GALNT18: variants seen among roughly 807,000 people sequenced by gnomAD.
GALNT18 encodes GalNAc-transferase 18.
GALNT18 carries 44 observed loss-of-function variants against 69.5 expected under a neutral mutation model. The observed-to-expected ratio is 0.63, with a 90% CI of 0.50 to 0.81. The LOEUF is 0.81. GALNT18 is among the 40% of genes least tolerant of loss of function. GALNT18 has a pLI of 0.00. For missense variants in GALNT18, 715 were observed against 810.0 expected (o/e 0.88, Z 1.42); for synonymous variants, 364 against 318.2 (o/e 1.14, Z -1.53).
intron 1 of GALNT18, among the ~76,000 whole-genome samples, chr11:11,585,290 T>C (rs1365490553): frequency 6.6e-6 from 1 of 152,094 alleles, no homozygotes; most frequent in Non-Finnish European, 1.5e-5. Context: ...AGAATATCCA[T>C]AATTATCTGA....
chr11:11,557,637 T>G (rs1054445221), intron 1 of GALNT18, among the ~76,000 whole-genome samples: 1 of 152,224 alleles, frequency 6.6e-6, no homozygotes, highest in African/African-American at 2.4e-5. Flanking sequence ...TGGCACACGC[T>G]GAGCACTCGG....
At chr11:11,374,894 G>C (rs1363914871) in intron 5 of GALNT18, among the ~76,000 whole-genome samples, 2 of 152,230 alleles carry the variant, frequency 1.3e-5, no homozygotes, top group Non-Finnish European at 2.9e-5. Context: ...TGAGTTTCCT[G>C]TTGGTCAAAG....
At chr11:11,607,048 AAG>A (rs1859774383) in intron 1 of GALNT18, among the ~76,000 whole-genome samples, 1 of 152,232 alleles carries the variant, frequency 6.6e-6, no homozygotes, top group African/African-American at 2.4e-5. Flanking sequence ...TATGTGAGGA[AAG>A]AGAAAGCAAC....
Position 11,279,882 on chromosome 11 carries a change from G to A in GALNT18, c.1678-8592C>T, listed in dbSNP as rs114116648. Among the ~76,000 whole-genome samples, 717 of 151,848 alleles carry A rather than the reference G, an allele frequency of 4.7e-3. 5 individuals carry two copies. The highest frequency in any genetic ancestry group is 0.016 in the African/African-American group (671 of 41,160). ...GTGTATTTTATACATGTTTCTGTAT[G>A]TATCCATGTTCTTCAATTGAAAAAT... On this transcript the variant is annotated intron_variant, in intron 10 of 10. Coordinates refer to ENST00000227756, the MANE Select transcript of GALNT18 (RefSeq NM_198516.3).
intron 10 of GALNT18, among the ~76,000 whole-genome samples, chr11:11,280,090 C>A (rs1258961617): frequency 6.6e-6 from 1 of 152,108 alleles, no homozygotes; most frequent in Non-Finnish European, 1.5e-5. Flanking sequence ...TATTCAGAAG[C>A]ATTCACACAA....
In GALNT18 at chr11:11,436,074, C is replaced by G. The variant is rs1252566913; in HGVS notation, c.429-3287G>C. ...CCACACCTGACCTAATGTGGCCCTG[C>G]GTGAGCAGAGAGGCGAGGGGTGGGC... On this transcript the variant is annotated intron_variant, in intron 2 of 10. Transcript: ENST00000227756. This position sits in a 1 kb window ranked among gnomAD's most constrained non-coding sequence, Gnocchi z 4.5. 6.6e-6 allele frequency among the ~76,000 whole-genome samples: 1 copy of G among 152,218 alleles called. No individual in the cohort carries two copies. The highest frequency in any genetic ancestry group is 1.5e-5 in the Non-Finnish European group (1 of 68,044).
At chr11:11,526,856 C>T (rs183553393) in intron 1 of GALNT18, among the ~76,000 whole-genome samples, 1 of 152,264 alleles carries the variant, frequency 6.6e-6, no homozygotes, top group East Asian at 1.9e-4. Context: ...TATTACTCTC[C>T]CGCAGGAGCA....
chr11:11,609,838 G>A (rs1344200253), intron 1 of GALNT18, among the ~76,000 whole-genome samples: 2 of 152,144 alleles, frequency 1.3e-5, no homozygotes, highest in African/African-American at 4.8e-5. Context: ...GGAAGTTCCT[G>A]GAAGGGCTGG....
intron 1 of GALNT18, among the ~76,000 whole-genome samples, chr11:11,548,287 C>T (rs1858109126): frequency 6.6e-6 from 1 of 152,202 alleles, no homozygotes; most frequent in African/African-American, 2.4e-5. Context: ...TTGTCCTTGC[C>T]TTCAGTTCCA....
Position 11,415,232 on chromosome 11 carries a change from C to T in GALNT18, c.595+17389G>A, listed in dbSNP as rs570743371. 2.6e-5 allele frequency among the ~76,000 whole-genome samples: 4 copies of T among 152,058 alleles called. No individual in the cohort carries two copies. The highest frequency in any genetic ancestry group is 5.9e-5 in the Non-Finnish European group (4 of 68,018). On this transcript the variant is annotated intron_variant, in intron 3 of 10. Transcript: ENST00000227756. This position sits in a 1 kb window ranked among gnomAD's most constrained non-coding sequence, Gnocchi z 4.1. Reference sequence around the variant, plus strand: ...TCAGGCCCAACCAACCGATTGGGGACCTTAATTACGTCAGCCAATTCCCCT... The same window carrying T: ...TCAGGCCCAACCAACCGATTGGGGATCTTAATTACGTCAGCCAATTCCCCT...
chr11:11,554,838 A>G (rs1858289119), intron 1 of GALNT18, among the ~76,000 whole-genome samples: 1 of 152,206 alleles, frequency 6.6e-6, no homozygotes, highest in South Asian at 2.1e-4. Flanking sequence ...TCCAGATTCC[A>G]GGACTGCAGG....
At chr11:11,299,161 T>C (rs1849450044) in intron 9 of GALNT18, among the ~76,000 whole-genome samples, 1 of 152,198 alleles carries the variant, frequency 6.6e-6, no homozygotes, top group Non-Finnish European at 1.5e-5. Flanking sequence ...TATTTTTTAA[T>C]TTTTTGACAG....
At position 11,539,293 on chromosome 11, in the gene GALNT18, C is replaced by T. The variant is rs188843597; in HGVS notation, c.235+82066G>A. Among the ~76,000 whole-genome samples, 397 of 145,546 alleles carry T rather than the reference C, an allele frequency of 2.7e-3. 7 individuals carry two copies. The highest frequency in any genetic ancestry group is 1.9e-4 in the Non-Finnish European group (13 of 67,990). On this transcript the variant is annotated intron_variant, in intron 1 of 10. Coordinates refer to ENST00000227756, the MANE Select transcript of GALNT18 (RefSeq NM_198516.3). ...CCTTGAAGCCACACTGCCTCCCCCA[C>T]AGTCTTCCCTTCAGCCAAGCCTCCC...
chr11:11,512,039 A>G (rs1857176456), intron 1 of GALNT18, among the ~76,000 whole-genome samples: 1 of 152,248 alleles, frequency 6.6e-6, no homozygotes, highest in Admixed American at 6.5e-5. Context: ...ACATGTATAC[A>G]TATACATACA....
chr11:11,546,616 G>A lies in GALNT18; in HGVS notation c.235+74743C>T, dbSNP rs912726256. The stretch of plus-strand genomic sequence containing the variant: ...TGCCTTCGAAGCCTTTCCCAACCCA[G>A]ATCCAGCCAACCTACCTAGTGTTAT... On this transcript the variant is annotated intron_variant, in intron 1 of 10. Transcript: ENST00000227756. The surrounding 1 kb of genome is among the most constrained non-coding windows in gnomAD (Gnocchi z 5.8). 6.6e-6 allele frequency among the ~76,000 whole-genome samples: 1 copy of A among 152,136 alleles called. No individual in the cohort carries two copies. Among genetic ancestry groups the A allele is most frequent in the African/African-American group, 2.4e-5 (1 of 41,428 alleles).
At chr11:11,489,875 C>A (rs1856725955) in intron 1 of GALNT18, among the ~76,000 whole-genome samples, 1 of 152,112 alleles carries the variant, frequency 6.6e-6, no homozygotes, top group Admixed American at 6.5e-5. Context: ...GGTCACAGAG[C>A]CAACGGTGGT....
At chr11:11,478,784 C>T (rs1263416720) in intron 1 of GALNT18, among the ~76,000 whole-genome samples, 1 of 151,980 alleles carries the variant, frequency 6.6e-6, no homozygotes, top group Non-Finnish European at 1.5e-5. Flanking sequence ...CAGGCTGACT[C>T]CTGCAAGCCG....
intron 1 of GALNT18, among the ~76,000 whole-genome samples, chr11:11,487,497 T>C (rs1054002664): frequency 6.6e-6 from 1 of 152,240 alleles, no homozygotes; most frequent in Non-Finnish European, 1.5e-5. Context: ...ACAAATAAAA[T>C]ATATCCAGTG....
rs756047501 is a variant in GALNT18, at chr11:11,387,502, A to G, written c.596-8238T>C. ...AAGTGCAATTAATTGCTTGTCTCCA[A>G]TGGTGCTAATTTAAAGATTAAAAGT... On this transcript the variant is annotated intron_variant, in intron 3 of 10. Coordinates refer to ENST00000227756, the MANE Select transcript of GALNT18 (RefSeq NM_198516.3). This position sits in a 1 kb window ranked among gnomAD's most constrained non-coding sequence, Gnocchi z 4.6. 2.6e-5 allele frequency among the ~76,000 whole-genome samples: 4 copies of G among 152,284 alleles called. No homozygotes were observed. Among genetic ancestry groups the G allele is most frequent in the East Asian group, 1.9e-4 (1 of 5,180 alleles).
Sources: gnomAD v4.1 joint callset for allele counts (sites outside exome capture counted in the v4.1 genomes callset) on GRCh38, gnomAD v4.1.1 for gene constraint, Gnocchi (gnomAD v3.1) non-coding constraint, MANE v1.5 for transcripts, NCBI Gene and HGNC (gene_info 2026-07-23, HGNC 2026-07-21) for gene names.